SH3GL3: variants seen among roughly 807,000 people sequenced by gnomAD.
The protein encoded by SH3GL3 is SH3 domain containing GRB2 like 3, endophilin A3.
SH3GL3 carries 33 observed loss-of-function variants against 47.7 expected under a neutral mutation model. That is an observed-to-expected ratio of 0.69 (90% CI 0.52 to 0.92). The LOEUF is 0.92. Ranked by LOEUF, SH3GL3 falls within the 40% of genes least tolerant of loss-of-function variation. SH3GL3 has a pLI of 0.00. For synonymous variants in SH3GL3, 155 were observed against 148.8 expected, an observed-to-expected ratio of 1.04 and a Z score of -0.30; for missense variants, 363 against 417.8, an observed-to-expected ratio of 0.87 and a Z score of 1.14.
At chr15:83,492,205 C>G (rs755116000) in intron 1 of SH3GL3, among the ~76,000 whole-genome samples, 3 of 144,504 alleles carry the variant, frequency 2.1e-5, no homozygotes, top group African/African-American at 5.2e-5. Flanking sequence ...ATTGCTTGAA[C>G]CTGGGAATCG....
chr15:83,472,180 G>A (rs1330384343), intron 1 of SH3GL3, among the ~76,000 whole-genome samples: 9 of 152,192 alleles, frequency 5.9e-5, no homozygotes, highest in African/African-American at 1.2e-4. Flanking sequence ...CACTGTGCCC[G>A]GCTGGATTTC....
At chr15:83,488,441 G>GTGGT (rs1335525722) in intron 1 of SH3GL3, 1 of 152,524 alleles carries the variant, frequency 6.6e-6, no homozygotes, top group African/African-American at 2.4e-5. Flanking sequence ...GAGTGCTTAT[G>GTGGT]TGGTTTGGAT....
chr15:83,599,016 TTTG>T (rs1267648863), intron 8 of SH3GL3, among the ~76,000 whole-genome samples: 1 of 152,214 alleles, frequency 6.6e-6, no homozygotes, highest in Non-Finnish European at 1.5e-5. Context: ...AAGACTATTT[TTTG>T]TTGTTTGTTT....
At chr15:83,628,056 G>A in the SH3GL3 span, among the ~76,000 whole-genome samples, 1 of 152,112 alleles carries the variant, frequency 6.6e-6, no homozygotes, top group East Asian at 1.9e-4. Flanking sequence ...CTATAACATT[G>A]AGCTTACCAC....
At chr15:83,560,507 C>T (rs745814792) in intron 2 of SH3GL3, among the ~76,000 whole-genome samples, 6 of 152,164 alleles carry the variant, frequency 3.9e-5, no homozygotes, top group African/African-American at 7.2e-5. Flanking sequence ...TGATGTATAG[C>T]TTTGTTACTA....
In SH3GL3 at chr15:83,448,569, C is replaced by A. The variant is rs2039570881; in HGVS notation, c.45+991C>A. On this transcript the variant is annotated intron_variant, in intron 1 of 8. Coordinates refer to ENST00000427482, the MANE Select transcript of SH3GL3 (RefSeq NM_003027.5). The surrounding 1 kb of genome is among the most constrained non-coding windows in gnomAD (Gnocchi z 4.2). ...TCACGTTGTAAAACCTGTTCCCCACCAGCACCGCTGGGTCTGTTGCTTCTC... is the reference window on the plus strand; with the variant it reads ...TCACGTTGTAAAACCTGTTCCCCACAAGCACCGCTGGGTCTGTTGCTTCTC... Among the ~76,000 whole-genome samples the A allele has an allele frequency of 6.6e-6, 1 of 151,874 alleles. No homozygotes were observed. Among genetic ancestry groups the A allele is most frequent in the South Asian group, 2.1e-4 (1 of 4,816 alleles).
intron 8 of SH3GL3, among the ~76,000 whole-genome samples, chr15:83,597,607 A>AATT (rs1177829652): frequency 6.6e-6 from 1 of 150,772 alleles, no homozygotes; most frequent in Non-Finnish European, 1.5e-5. Context: ...ATTTTATTAT[A>AATT]ATTATTATTA....
chr15:83,458,049 A>T (rs1044219034), intron 1 of SH3GL3, among the ~76,000 whole-genome samples: 3 of 152,172 alleles, frequency 2.0e-5, no homozygotes, highest in Admixed American at 1.3e-4. Flanking sequence ...TCTCATGTGT[A>T]TTTGGGGAAG....
intron 1 of SH3GL3, among the ~76,000 whole-genome samples, chr15:83,542,238 A>G (rs762533340): frequency 1.3e-4 from 20 of 151,960 alleles, no homozygotes; most frequent in Non-Finnish European, 2.6e-4. Flanking sequence ...CCTTTCCCCA[A>G]TATATTGGTT....
At chr15:83,463,129 T>C (rs1259772688) in intron 1 of SH3GL3, among the ~76,000 whole-genome samples, 2 of 152,208 alleles carry the variant, frequency 1.3e-5, no homozygotes, top group Non-Finnish European at 2.9e-5. Context: ...TCTCAAGGAC[T>C]TTCTAAAATA....
intron 1 of SH3GL3, among the ~76,000 whole-genome samples, chr15:83,460,952 G>A (rs1293776581): frequency 6.6e-6 from 1 of 152,060 alleles, no homozygotes; most frequent in Non-Finnish European, 1.5e-5. Context: ...GCGTGGTGGC[G>A]GGCACCTGTA....
chr15:83,631,602 C>G, the SH3GL3 span, among the ~76,000 whole-genome samples: 1 of 152,258 alleles, frequency 6.6e-6, no homozygotes, highest in African/African-American at 2.4e-5. Flanking sequence ...CTTGCACCCT[C>G]TGAAGCAACA....
chr15:83,570,291 A>T (rs2045750829), intron 4 of SH3GL3, among the ~76,000 whole-genome samples: 1 of 152,106 alleles, frequency 6.6e-6, no homozygotes, highest in African/African-American at 2.4e-5. Context: ...TGATTCTTTT[A>T]TTATAGGCTA....
At chr15:83,490,831 T>A in intron 1 of SH3GL3, 2 of 1,614,130 alleles carry the variant, frequency 1.2e-6, no homozygotes, top group Non-Finnish European at 1.7e-6. Context: ...AGAAGATGAA[T>A]GAATGGATGG....
At chr15:83,515,892 T>C (rs2042958745) in intron 1 of SH3GL3, among the ~76,000 whole-genome samples, 1 of 152,264 alleles carries the variant, frequency 6.6e-6, no homozygotes, top group African/African-American at 2.4e-5. Flanking sequence ...TCTGCTGGAC[T>C]TGTTTAATTC....
At chr15:83,610,447 T>A (rs1265016030) in intron 8 of SH3GL3, among the ~76,000 whole-genome samples, 2 of 152,106 alleles carry the variant, frequency 1.3e-5, no homozygotes, top group Non-Finnish European at 2.9e-5. Context: ...GTGGAAGGAT[T>A]GCTTGAGCCC....
intron 1 of SH3GL3, among the ~76,000 whole-genome samples, chr15:83,545,439 T>C (rs1290822841): frequency 4.6e-5 from 7 of 152,346 alleles, no homozygotes; most frequent in East Asian, 3.9e-4. Flanking sequence ...TTGGATTTCA[T>C]TGAACTTCTT....
chr15:83,487,093 G>A (rs1464301914), intron 1 of SH3GL3, among the ~76,000 whole-genome samples: 1 of 152,122 alleles, frequency 6.6e-6, no homozygotes, highest in Non-Finnish European at 1.5e-5. Context: ...CAATACTCAT[G>A]TGCAAGTATT....
intron 1 of SH3GL3, among the ~76,000 whole-genome samples, chr15:83,493,106 G>A (rs978627168): frequency 1.3e-5 from 2 of 152,126 alleles, no homozygotes; most frequent in Non-Finnish European, 2.9e-5. Flanking sequence ...AATTTCTTTA[G>A]GTTTGATTGT....
Sources: gnomAD v4.1 joint callset for allele counts (sites outside exome capture counted in the v4.1 genomes callset) on GRCh38, gnomAD v4.1.1 for gene constraint, Gnocchi (gnomAD v3.1) non-coding constraint, MANE v1.5 for transcripts, NCBI Gene and HGNC (gene_info 2026-07-23, HGNC 2026-07-21) for gene names.